Variants in NECTIN4 observed in about 807,000 individuals in gnomAD.
NECTIN4 encodes nectin cell adhesion molecule 4, also known as nectin-4.
NECTIN4 carries 19 observed loss-of-function variants against 51.7 expected under a neutral mutation model. The observed-to-expected ratio is 0.37, with a 90% CI of 0.26 to 0.54. The LOEUF (loss-of-function observed/expected upper bound fraction) is 0.54. Ranked by LOEUF, NECTIN4 falls within the 20% of genes least tolerant of loss-of-function variation. NECTIN4 has a pLI of 0.86. For missense variants in NECTIN4, 619 were observed against 662.4 expected (o/e 0.93, Z 0.72); for synonymous variants, 283 against 286.9 (o/e 0.99, Z 0.14).
intron 5 of NECTIN4, 34 bp from the exon 6 acceptor site, chr1:161,074,407 C>A: frequency 1.9e-6 from 3 of 1,613,338 alleles, no homozygotes; most frequent in Non-Finnish European, 2.5e-6. Flanking sequence ...GAGGTGGAAG[C>A]CTGCAGCCAC....
At chr1:161,082,429 A>G (rs1653729323) in intron 1 of NECTIN4, among the ~76,000 whole-genome samples, 1 of 152,126 alleles carries the variant, frequency 6.6e-6, no homozygotes, top group Admixed American at 6.6e-5. Flanking sequence ...GGGCTAGCTA[A>G]TTGGGTTCAC....
intron 1 of NECTIN4, among the ~76,000 whole-genome samples, chr1:161,088,024 G>A (rs1423587272): frequency 6.6e-6 from 1 of 152,182 alleles, no homozygotes; most frequent in Non-Finnish European, 1.5e-5. Flanking sequence ...TCTGGAAGAT[G>A]GGAATTAAAA....
At chr1:161,078,750 G>A (rs1371858993) in intron 2 of NECTIN4, among the ~76,000 whole-genome samples, 5 of 152,120 alleles carry the variant, frequency 3.3e-5, no homozygotes, top group South Asian at 2.1e-4. Context: ...GGTGGCTCAC[G>A]CCTGTAATCC....
At chr1:161,074,139 C>T (rs899994756) in intron 6 of NECTIN4, 78 bp downstream of exon 6, 9 of 1,578,782 alleles carry the variant, frequency 5.7e-6, no homozygotes, top group Admixed American at 1.7e-5. Context: ...CCAGTCTCCT[C>T]GGTCCTGGCC....
intron 8 of NECTIN4, 93 bp downstream of exon 8, chr1:161,073,132 G>T: frequency 1.8e-6 from 2 of 1,133,090 alleles, no homozygotes; most frequent in Non-Finnish European, 2.7e-6. Flanking sequence ...AGGAAAGAGG[G>T]ACTGGTAAGG....
Position 161,089,265 on chromosome 1 carries a change from C to A in NECTIN4, c.32G>T (p.Gly11Val), listed in dbSNP as rs1285195175. 1 of 1,611,338 alleles carries A rather than the reference C, an allele frequency of 6.2e-7. No individual in the cohort carries two copies. The highest frequency in any genetic ancestry group is 8.5e-7 in the Non-Finnish European group (1 of 1,179,994). The change falls in exon 1 of 9, where the codon GGG becomes GTG. Residue 11 changes from glycine (G) to valine (V), a missense_variant. By Grantham distance (109) the Gly-to-Val change is moderately radical. Coordinates refer to ENST00000368012, the MANE Select transcript of NECTIN4 (RefSeq NM_030916.3). This position sits in a 1 kb window ranked among gnomAD's most constrained non-coding sequence, Gnocchi z 4.1. ...CAGCAGCAGCAGCCAGGCCTCAGGC[C>A]CCCACATCTCGGCTCCCAGGGACAG... MPLSLGAEMW[G>V]PEAWLLLLLL... is the part of the protein sequence containing the mutation.
chr1:161,077,713 G>A lies in NECTIN4; in HGVS notation c.470C>T (p.Pro157Leu), dbSNP rs1260542146. The A allele has an allele frequency of 6.2e-7, 1 of 1,611,496 alleles. No homozygotes were observed. The highest frequency in any genetic ancestry group is 8.5e-7 in the Non-Finnish European group (1 of 1,179,918). Residue 157 changes from proline to leucine, a missense_variant, in exon 3 of 9, where the codon CCA becomes CTA. This residue lies in a region of NECTIN4 where 37 missense variants were observed against 60.3 expected (regional missense o/e 0.61). Transcript: ENST00000368012. ...VPPLPSLNPG[P>L]ALEEGQGLTL... is the part of the protein sequence containing the mutation. ...CAGGCCCTGGCCCTCTTCTAGTGCT[G>A]GACCAGGATTCAGTGAGGGCAGGGG...
rs1249449679 is a variant in NECTIN4, at chr1:161,073,781, G to T, written c.1172C>A (p.Thr391Asn). The T allele has an allele frequency of 3.1e-6, 5 of 1,614,096 alleles. No homozygotes were observed. The highest frequency in any genetic ancestry group is 3.3e-5 in the Admixed American group (2 of 60,030). Residue 391 changes from threonine to asparagine, a missense_variant, in exon 7 of 9, where the codon ACC becomes AAC. Thr to Asn is a moderately conservative substitution (Grantham distance 65). This residue lies in a region of NECTIN4 where 364 missense variants were observed against 415.7 expected (regional missense o/e 0.88). Transcript: ENST00000368012. ...QMTQKYEEEL[T>N]LTRENSIRRL... The stretch of plus-strand genomic sequence containing the variant: ...CCGGATGGAGTTCTCCCTGGTCAGG[G>T]TCAGCTCCTCCTCACTGGGAAAGAC...
intron 1 of NECTIN4, among the ~76,000 whole-genome samples, chr1:161,084,135 G>A (rs943629907): frequency 3.9e-5 from 6 of 152,192 alleles, no homozygotes; most frequent in Non-Finnish European, 7.3e-5. Flanking sequence ...GCCAATCTTA[G>A]TGCTGGTTCA....
chr1:161,077,822 G>T, intron 2 of NECTIN4, 79 bp from the exon 3 acceptor site: 1 of 1,352,344 alleles, frequency 7.4e-7, no homozygotes, highest in Non-Finnish European at 1.0e-6. Context: ...TTTCAGTCTT[G>T]CACAAGTACA....
chr1:161,072,163 C>T lies in NECTIN4; in HGVS notation c.*498G>A. On this transcript the variant is annotated 3_prime_UTR_variant, in exon 9 of 9. Transcript: ENST00000368012. ...CTATGCCCGCACACCTGGGTCTGAG[C>T]CACAGTCTCCACCTCTCTCCTCCAA... 4.5e-6 allele frequency: 1 copy of T among 224,638 alleles called. No homozygotes were observed. Among genetic ancestry groups the T allele is most frequent in the Non-Finnish European group, 9.1e-6 (1 of 110,086 alleles). 13.9% of individuals were successfully genotyped at this position (224,638 alleles called of 1,614,324 possible).
intron 2 of NECTIN4, 70 bp downstream of exon 2, chr1:161,079,520 C>T: frequency 6.3e-7 from 1 of 1,579,484 alleles, no homozygotes. Flanking sequence ...CCATCCATCT[C>T]TGCAGTCCCC....
At chr1:161,083,380 G>A (rs1653784944) in intron 1 of NECTIN4, among the ~76,000 whole-genome samples, 1 of 152,188 alleles carries the variant, frequency 6.6e-6, no homozygotes, top group South Asian at 2.1e-4. Context: ...GGCAGGCCAG[G>A]ACTGCCTCCT....
rs1653332439 is a variant in NECTIN4, at chr1:161,074,693, G to A, written c.918C>T (p.Thr306=). 1 of 1,614,110 alleles carries A rather than the reference G, an allele frequency of 6.2e-7. No homozygotes were observed. The highest frequency in any genetic ancestry group is 8.5e-7 in the Non-Finnish European group (1 of 1,180,038). ...AGACGTAGATGCCGCTGTGCTCAGT[G>A]GTCAGTGGGGGAAAGCCCAAAGTGT... The part of the protein sequence containing the change: ...DGDTLGFPPL[T]TEHSGIYVCH... Residue 306 remains threonine (T), a synonymous_variant, in exon 5 of 9, where the codon ACC becomes ACT. Coordinates refer to ENST00000368012, the MANE Select transcript of NECTIN4 (RefSeq NM_030916.3).
chr1:161,074,492 A>G, intron 5 of NECTIN4, 119 bp from the exon 6 acceptor site: 1 of 1,576,982 alleles, frequency 6.3e-7, no homozygotes, highest in South Asian at 1.1e-5. Flanking sequence ...TGCAAGACAC[A>G]CAGCCCAGCC....
intron 1 of NECTIN4, among the ~76,000 whole-genome samples, chr1:161,086,412 C>G (rs527807744): frequency 4.4e-4 from 67 of 152,216 alleles, no homozygotes; most frequent in Admixed American, 7.2e-4. Context: ...GGCCTGCCCC[C>G]CTCTGTAAAC....
intron 1 of NECTIN4, among the ~76,000 whole-genome samples, chr1:161,085,740 C>G (rs1231402020): frequency 6.6e-6 from 1 of 151,126 alleles, no homozygotes; most frequent in East Asian, 1.9e-4. Context: ...ACTCTGTCAC[C>G]CAGGCTAGAG....
intron 4 of NECTIN4, 55 bp from the exon 5 acceptor site, chr1:161,074,814 A>C: frequency 6.3e-7 from 1 of 1,580,262 alleles, no homozygotes; most frequent in Non-Finnish European, 8.6e-7. Flanking sequence ...AGCCACCACC[A>C]CCCAACGTGT....
intron 2 of NECTIN4, among the ~76,000 whole-genome samples, chr1:161,078,322 T>C (rs1233675103): frequency 6.6e-6 from 1 of 151,914 alleles, no homozygotes; most frequent in Non-Finnish European, 1.5e-5. Context: ...ATTTATCTAC[T>C]TGTGAGACTG....
Sources: allele counts gnomAD v4.1 joint callset (sites outside exome capture counted in the v4.1 genomes callset), GRCh38; gene constraint gnomAD v4.1.1; regional missense constraint gnomAD v4.1.1; non-coding constraint Gnocchi (gnomAD v3.1); transcripts MANE v1.5; gene names NCBI Gene and HGNC (gene_info 2026-07-23, HGNC 2026-07-21).